MAST4: variants seen among roughly 807,000 people sequenced by gnomAD.
MAST4 encodes the protein microtubule associated serine/threonine kinase family member 4.
MAST4 carries 89 observed loss-of-function variants against 162.7 expected under a neutral mutation model. The observed-to-expected ratio is 0.55, with a 90% CI of 0.46 to 0.65. The LOEUF (loss-of-function observed/expected upper bound fraction) is 0.65, where lower values mean the gene tolerates loss of function less well. Among genes scored for constraint, MAST4 ranks in the 30% least tolerant of loss-of-function variants. The pLI is 0.00. For synonymous variants in MAST4, 1,479 were observed against 1,361.1 expected, an observed-to-expected ratio of 1.09 and a Z score of -1.91; for missense variants, 3,153 against 3,374.0, an observed-to-expected ratio of 0.93 and a Z score of 1.62.
intron 2 of MAST4, among the ~76,000 whole-genome samples, chr5:66,776,026 G>A (rs944541956): frequency 2.6e-5 from 4 of 152,208 alleles, no homozygotes; most frequent in Admixed American, 6.5e-5. Context: ...CAAAGAAATA[G>A]ATGTGATTAC....
intron 2 of MAST4, among the ~76,000 whole-genome samples, chr5:66,780,217 C>T (rs1347720453): frequency 1.3e-5 from 2 of 152,118 alleles, no homozygotes; most frequent in Admixed American, 1.3e-4. Flanking sequence ...CAGGAACTCC[C>T]CATTCCCCAC....
At chr5:66,998,214 C>G (rs1581148202) in intron 4 of MAST4, among the ~76,000 whole-genome samples, 5 of 152,322 alleles carry the variant, frequency 3.3e-5, no homozygotes, top group Admixed American at 2.6e-4. Flanking sequence ...TATAATTGCA[C>G]TATAATTCAT....
intron 4 of MAST4, among the ~76,000 whole-genome samples, chr5:66,969,153 G>A (rs1173797502): frequency 1.3e-5 from 2 of 152,192 alleles, no homozygotes; most frequent in Non-Finnish European, 2.9e-5. Flanking sequence ...GTGAGTCTGT[G>A]TTCCTTTGCA....
At chr5:66,995,212 T>C (rs968913278) in intron 4 of MAST4, among the ~76,000 whole-genome samples, 26 of 152,258 alleles carry the variant, frequency 1.7e-4, no homozygotes, top group African/African-American at 6.3e-4. Flanking sequence ...ATAGAGCTTT[T>C]ATTAATGCAT....
At chr5:66,627,757 C>T (rs1744533354) in intron 1 of MAST4, among the ~76,000 whole-genome samples, 1 of 151,878 alleles carries the variant, frequency 6.6e-6, no homozygotes, top group Admixed American at 6.6e-5. Context: ...AGCTGTAAAG[C>T]TGCTTTTACA....
rs1554087420 is a variant in MAST4, at chr5:67,049,040, T to TATATATAC, written c.675-5363_675-5362insTATATACA. 3.1e-5 allele frequency among the ~76,000 whole-genome samples: 3 copies of TATATATAC among 96,710 alleles called. No individual in the cohort carries two copies. The South Asian group carries it at 9.2e-4, about 30-fold the overall frequency. The allele number at this position is 96,710 out of a possible 152,430, so 63.4% of individuals were successfully genotyped here. ...ATATATACGTATATATATATATATA[T>TATATATAC]ACGTGTATATATATATATACGTATA... On this transcript the variant is annotated intron_variant, in intron 4 of 28. Transcript: ENST00000403625.
intron 1 of MAST4, among the ~76,000 whole-genome samples, chr5:66,613,147 C>T (rs923970014): frequency 6.6e-6 from 1 of 152,100 alleles, no homozygotes; most frequent in Non-Finnish European, 1.5e-5. Flanking sequence ...AACTCCTGGC[C>T]TCAAGCAATC....
rs181183933 is a variant in MAST4 at position 66,997,480 on chromosome 5, G to A, written c.675-56924G>A. Among the ~76,000 whole-genome samples, 189 of 146,994 alleles carry A rather than the reference G, an allele frequency of 1.3e-3. 2 individuals carry two copies. The highest frequency in any genetic ancestry group is 4.6e-3 in the African/African-American group (182 of 39,578). ...AGAGTTTCACTCTATTGCCCAGGCT[G>A]GAGTGCAGTGGCATGATCTCGGCTC... On this transcript the variant is annotated intron_variant, in intron 4 of 28. Transcript: ENST00000403625.
Position 67,014,422 on chromosome 5 carries a change from A to G in MAST4, c.675-39982A>G, listed in dbSNP as rs145241956. 2.2e-4 allele frequency among the ~76,000 whole-genome samples: 33 copies of G among 152,304 alleles called. No homozygotes were observed. In the East Asian group the frequency reaches 6.4e-3, roughly 29 times the overall value. On this transcript the variant is annotated intron_variant, in intron 4 of 28. Coordinates refer to ENST00000403625, the MANE Select transcript of MAST4 (RefSeq NM_001164664.2). The stretch of plus-strand genomic sequence containing the variant: ...TGGGATAATTTGGGTGCTTTAGGTA[A>G]TAGTTCTTGTTATGGATTCTGCAAA...
chr5:66,785,690 A>G (rs565064946), intron 2 of MAST4, among the ~76,000 whole-genome samples: 1 of 152,246 alleles, frequency 6.6e-6, no homozygotes, highest in Admixed American at 6.5e-5. Flanking sequence ...TTGAGACTTG[A>G]TCAGTATTGT....
chr5:66,596,549 C>A lies in MAST4; in HGVS notation c.-107C>A, dbSNP rs1579944736. On this transcript the variant is annotated 5_prime_UTR_variant, in exon 1 of 29. Transcript: ENST00000403625. ...GGCGGGGCTCCCTGCAGCCCGGGAG[C>A]GGCAGTGCCAGTGAGCCTGAGCCCA... The A allele has an allele frequency of 1.6e-6, 2 of 1,236,578 alleles. No homozygotes were observed. Among genetic ancestry groups the A allele is most frequent in the East Asian group, 6.3e-5 (2 of 31,674 alleles). 76.6% of individuals were successfully genotyped at this position (1,236,578 alleles called of 1,614,324 possible). A position where few individuals can be genotyped will look rare whatever the true frequency, so the allele number is the denominator to read the frequency against.
chr5:66,877,148 T>C (rs1247558742), intron 3 of MAST4, among the ~76,000 whole-genome samples: 2 of 152,060 alleles, frequency 1.3e-5, no homozygotes, highest in African/African-American at 4.8e-5. Flanking sequence ...GGAGTCAGCC[T>C]ACTCTCTCCT....
At chr5:67,005,062 G>A (rs1195939553) in intron 4 of MAST4, 2 of 771,472 alleles carry the variant, frequency 2.6e-6, no homozygotes, top group East Asian at 2.4e-5. Context: ...TGAGGAGTGG[G>A]AACAGGCTTC....
At chr5:67,074,157 G>A (rs748927900) in intron 5 of MAST4, among the ~76,000 whole-genome samples, 8 of 151,104 alleles carry the variant, frequency 5.3e-5, no homozygotes, top group South Asian at 2.1e-4. Context: ...GGACATGAAC[G>A]GACATCTCAG....
chr5:67,090,022 T>G, intron 5 of MAST4, 140 bp from the exon 6 acceptor site: 1 of 598,180 alleles, frequency 1.7e-6, no homozygotes, highest in Non-Finnish European at 2.9e-6. Flanking sequence ...CCATCCCTGG[T>G]CCAGGTAAAA....
chr5:66,797,610 A>G (rs978643760), intron 3 of MAST4, among the ~76,000 whole-genome samples: 12 of 152,198 alleles, frequency 7.9e-5, no homozygotes, highest in African/African-American at 2.9e-4. Context: ...ACTAGTTGCA[A>G]GAAGACTTTT....
chr5:66,923,631 A>G (rs1043225741), intron 4 of MAST4, among the ~76,000 whole-genome samples: 1 of 152,170 alleles, frequency 6.6e-6, no homozygotes, highest in African/African-American at 2.4e-5. Context: ...CCATTGTCTT[A>G]TACCTAAGGG....
Position 66,752,218 on chromosome 5 carries a change from A to G in MAST4, c.364-7491A>G, listed in dbSNP as rs141816452. On this transcript the variant is annotated intron_variant, in intron 1 of 28. Transcript: ENST00000403625. ...GCAAAATGTAAAGACCGTCAAGACTAGAAAGAAACTGCATCAACTAATGAG... is the reference window on the plus strand; with the variant it reads ...GCAAAATGTAAAGACCGTCAAGACTGGAAAGAAACTGCATCAACTAATGAG... Among the ~76,000 whole-genome samples the G allele has an allele frequency of 8.7e-3, 1,325 of 151,942 alleles. 10 individuals carry two copies. The highest frequency in any genetic ancestry group is 0.043 in the South Asian group (204 of 4,760).
intron 1 of MAST4, among the ~76,000 whole-genome samples, chr5:66,666,977 AAG>A (rs34166503): frequency 0.027 from 4,051 of 152,248 alleles, 197 homozygotes; most frequent in African/African-American, 0.091. Context: ...GCCTGCCAGA[AAG>A]AGGCGGCCTC....
Sources: gnomAD v4.1 joint callset for allele counts (sites outside exome capture counted in the v4.1 genomes callset) on GRCh38, gnomAD v4.1.1 for gene constraint, MANE v1.5 for transcripts, NCBI Gene and HGNC (gene_info 2026-07-23, HGNC 2026-07-21) for gene names.